Variants in ADPRHL1 observed in about 807,000 individuals in gnomAD.
ADPRHL1 encodes inactive ADP-ribosyltransferase ARH2.
A neutral mutation model predicts 44.1 loss-of-function variants in ADPRHL1; 43 were observed. The observed-to-expected ratio is 0.98, with a 90% CI of 0.76 to 1.26. ADPRHL1 has a LOEUF of 1.26. ADPRHL1 is among the 50% of genes most tolerant of loss of function. The pLI is 0.00. For missense variants in ADPRHL1, 2,022 were observed against 2,496.9 expected, an observed-to-expected ratio of 0.81 and a Z score of 4.05; for synonymous variants, 878 against 1,017.4, an observed-to-expected ratio of 0.86 and a Z score of 2.61.
intron 2 of ADPRHL1, among the ~76,000 whole-genome samples, chr13:113,439,465 CT>C (rs919789459): frequency 5.5e-5 from 7 of 128,170 alleles, no homozygotes; most frequent in Non-Finnish European, 1.1e-4. Flanking sequence ...TTTTTTTTTC[CT>C]GAGACGGCGT....
chr13:113,410,009 T>C, intron 7 of ADPRHL1: 1 of 985,454 alleles, frequency 1.0e-6, no homozygotes, highest in Non-Finnish European at 1.2e-6. Context: ...GAGCTCTGTT[T>C]TGAAGCCATG....
intron 7 of ADPRHL1, among the ~76,000 whole-genome samples, chr13:113,408,890 A>AAGG (rs2043829509): frequency 9.8e-6 from 1 of 102,456 alleles, no homozygotes; most frequent in East Asian, 2.3e-4. Flanking sequence ...TGCAGAGAGG[A>AAGG]GGGAAAGATG....
intron 1 of ADPRHL1, among the ~76,000 whole-genome samples, chr13:113,451,136 C>T (rs1164953440): frequency 6.6e-6 from 1 of 152,226 alleles, no homozygotes; most frequent in African/African-American, 2.4e-5. Flanking sequence ...GTCTTCTGGT[C>T]ACACCTCACT....
chr13:113,425,497 G>A lies in ADPRHL1; in HGVS notation c.647-318C>T, dbSNP rs190854090. 3.7e-3 allele frequency among the ~76,000 whole-genome samples: 567 copies of A among 152,060 alleles called. 2 individuals are homozygous for A. The highest frequency in any genetic ancestry group is 0.013 in the African/African-American group (521 of 41,468). ...CGGCTCACTGCAACCTCTGCCTCCCGAGTAGCTGGGATTACAGCTGCCCAC... is the reference window on the plus strand; with the variant it reads ...CGGCTCACTGCAACCTCTGCCTCCCAAGTAGCTGGGATTACAGCTGCCCAC... On this transcript the variant is annotated intron_variant, in intron 4 of 7. Transcript: ENST00000612156.
chr13:113,416,032 T>A (rs540588912), intron 7 of ADPRHL1, among the ~76,000 whole-genome samples: 11 of 150,914 alleles, frequency 7.3e-5, no homozygotes, highest in Admixed American at 5.3e-4. Context: ...TGGCCGAGAG[T>A]GGCCCCCAGG....
In ADPRHL1 at chr13:113,403,297, T is replaced by G; in HGVS notation, c.*81A>C. The G allele has an allele frequency of 1.7e-6, 2 of 1,155,464 alleles. No homozygotes were observed. The highest frequency in any genetic ancestry group is 2.2e-6 in the Non-Finnish European group (2 of 918,830). 71.6% of individuals were successfully genotyped at this position (1,155,464 alleles called of 1,614,324 possible). A position where few individuals can be genotyped will look rare whatever the true frequency, so the allele number is the denominator to read the frequency against. ...TCTGTAGGGGATGCTCCAAGACGCA[T>G]TTGGAGGCAGGAAAATGCCTGAAGT... On this transcript the variant is annotated 3_prime_UTR_variant, in exon 8 of 8. Transcript: ENST00000612156.
In ADPRHL1 at chr13:113,406,673, G is replaced by A; in HGVS notation, c.2609C>T (p.Pro870Leu). 8.1e-7 allele frequency: 1 copy of A among 1,230,884 alleles called. No individual in the cohort carries two copies. Among genetic ancestry groups the A allele is most frequent in the East Asian group, 3.2e-5 (1 of 31,690 alleles). The allele number at this position is 1,230,884 out of a possible 1,614,324, so 76.2% of individuals were successfully genotyped here. A position where few individuals can be genotyped will look rare whatever the true frequency, so the allele number is the denominator to read the frequency against. Residue 870 changes from proline (P) to leucine (L), a missense_variant, in exon 8 of 8, where the codon CCT becomes CTT. Physicochemically the swap from Pro to Leu is moderately conservative, Grantham distance 98 (BLOSUM62 -3). Coordinates refer to ENST00000612156, the MANE Select transcript of ADPRHL1 (RefSeq NM_001394807.1). ...LQNMSSGENKPCICGGENVVE... is the reference protein window; with the variant it reads ...LQNMSSGENKLCICGGENVVE... ...CACATTCTCTCCTCCACAAATACAA[G>A]GTTTGTTTTCACCACTTGACATATT...
At chr13:113,450,197 C>T (rs929871544) in intron 1 of ADPRHL1, among the ~76,000 whole-genome samples, 18 of 152,170 alleles carry the variant, frequency 1.2e-4, no homozygotes, top group African/African-American at 3.9e-4. Flanking sequence ...GGATTGCAGA[C>T]GTGAGCCACT....
rs199632423 is a variant in ADPRHL1, at chr13:113,407,093, G to A, written c.2189C>T (p.Ala730Val). The A allele has an allele frequency of 1.3e-4, 161 of 1,232,308 alleles. No individual in the cohort carries two copies. The East Asian group carries it at 5.0e-3, about 38-fold the overall frequency. The allele number at this position is 1,232,308 out of a possible 1,614,324, so 76.3% of individuals were successfully genotyped here. ...LVPASSPLGP[A>V]SPWGTGSAGG... is the part of the protein sequence containing the mutation. Reference sequence around the variant, plus strand: ...GGCTGATCCGGTGCCCCAAGGGCTGGCCGGTCCCAGTGGGGATGATGCAGG... The same window carrying A: ...GGCTGATCCGGTGCCCCAAGGGCTGACCGGTCCCAGTGGGGATGATGCAGG... Residue 730 changes from alanine to valine, a missense_variant, in exon 8 of 8, where the codon GCC becomes GTC. Ala to Val is a moderately conservative substitution (Grantham distance 64, BLOSUM62 0). Transcript: ENST00000612156.
Position 113,408,038 on chromosome 13 carries a change from T to A in ADPRHL1, c.1244A>T (p.His415Leu). ...GTEAGGSRPS[H>L]QPQTQEATQR... ...GGTGGCCTCCTGGGTCTGGGGCTGG[T>A]GGCTGGGCCTGCTCCCCCCGGCCTC... is the stretch of plus-strand genomic sequence containing the variant. Residue 415 changes from histidine to leucine, a missense_variant, in exon 8 of 8, where the codon CAC (histidine) becomes CTC (leucine). His to Leu is a moderately conservative substitution (Grantham distance 99). This residue lies in a region of ADPRHL1 where 1,221 missense variants were observed against 1,517.8 expected (regional missense o/e 0.80). Coordinates refer to ENST00000612156, the MANE Select transcript of ADPRHL1 (RefSeq NM_001394807.1). 8.1e-7 allele frequency: 1 copy of A among 1,232,630 alleles called. No individual in the cohort carries two copies. 76.4% of individuals were successfully genotyped at this position (1,232,630 alleles called of 1,614,324 possible). A position where few individuals can be genotyped will look rare whatever the true frequency, so the allele number is the denominator to read the frequency against.
Position 113,422,847 on chromosome 13 carries a change from T to C in ADPRHL1, c.1040A>G (p.Tyr347Cys). ...TTACTTCTCCTCTGTGGACAGGCGG[T>C]AGAGAGCCGCGCCCAGGTCCTCCAG... ...EKLEDLGAAL[Y>C]RLSTEENRKS... Residue 347 changes from tyrosine to cysteine, a missense_variant, in exon 7 of 8, where the codon TAC becomes TGC. By Grantham distance (194) the Tyr-to-Cys change is radical. Around this residue, in one of 8 missense-constraint regions of ADPRHL1, gnomAD observed 1,221 missense variants for 1,517.8 expected, o/e 0.80. Transcript: ENST00000612156. 6.2e-7 allele frequency: 1 copy of C among 1,612,786 alleles called. No homozygotes were observed. Among genetic ancestry groups the C allele is most frequent in the South Asian group, 1.1e-5 (1 of 91,086 alleles).
At chr13:113,452,091 G>A (rs557610561) in intron 1 of ADPRHL1, among the ~76,000 whole-genome samples, 5 of 152,290 alleles carry the variant, frequency 3.3e-5, no homozygotes, top group South Asian at 2.1e-4. Flanking sequence ...AGCCGTCTAC[G>A]GTGAAAACAA....
Position 113,422,808 on chromosome 13 carries a change from T to G in ADPRHL1, c.1061+18A>C. The G allele has an allele frequency of 6.2e-7, 1 of 1,612,590 alleles. No individual in the cohort carries two copies. The highest frequency in any genetic ancestry group is 8.5e-7 in the Non-Finnish European group (1 of 1,179,872). ...TGGAATCGGCTCTCTAGGGGGAAAG[T>G]GGCAGAAATGGCTTTACTTCTCCTC... On this transcript the variant is annotated intron_variant, in intron 7 of 7. Transcript: ENST00000612156.
intron 7 of ADPRHL1, chr13:113,421,876 G>A (rs1173578624): frequency 6.6e-6 from 1 of 152,252 alleles, no homozygotes; most frequent in Admixed American, 6.5e-5. Flanking sequence ...TCTGCCCAGA[G>A]GCGAGCCCTT....
chr13:113,415,426 G>A (rs9549777), intron 7 of ADPRHL1, among the ~76,000 whole-genome samples: 48,247 of 152,064 alleles, frequency 0.32, 7,983 homozygotes, highest in Middle Eastern at 0.46. Context: ...GCCGGCTCCA[G>A]GCGACCAGGC....
At chr13:113,435,573 T>C (rs71446973) in intron 2 of ADPRHL1, among the ~76,000 whole-genome samples, 6 of 3,430 alleles carry the variant, frequency 1.7e-3, no homozygotes, top group Admixed American at 4.2e-3. Flanking sequence ...CACCCAGGTG[T>C]AGAGTGAACA....
At position 113,407,477 on chromosome 13, in the gene ADPRHL1, C is replaced by T. The variant is rs1037068655; in HGVS notation, c.1805G>A (p.Cys602Tyr). The T allele has an allele frequency of 6.5e-5, 80 of 1,232,000 alleles. No individual in the cohort carries two copies. Among genetic ancestry groups the T allele is most frequent in the Non-Finnish European group, 7.7e-5 (76 of 988,052 alleles). The allele number at this position is 1,232,000 out of a possible 1,614,324, so 76.3% of individuals were successfully genotyped here. A position where few individuals can be genotyped will look rare whatever the true frequency, so the allele number is the denominator to read the frequency against. The change falls in exon 8 of 8, where the codon TGC becomes TAC. Residue 602 changes from cysteine to tyrosine, a missense_variant. Coordinates refer to ENST00000612156, the MANE Select transcript of ADPRHL1 (RefSeq NM_001394807.1). Reference sequence around the variant, plus strand: ...AAAGCGGGCAGGGGGCATCTTGACGCAGGTGCTGGCCATGGTGGCCGTGTG... The same window carrying T: ...AAAGCGGGCAGGGGGCATCTTGACGTAGGTGCTGGCCATGGTGGCCGTGTG... ...VLHTATMAST[C>Y]VKMPPARFLA... is the part of the protein sequence containing the mutation.
chr13:113,451,848 C>T (rs903295715), intron 1 of ADPRHL1, among the ~76,000 whole-genome samples: 2 of 152,162 alleles, frequency 1.3e-5, no homozygotes, highest in African/African-American at 4.8e-5. Flanking sequence ...GTCCGTAACC[C>T]TTTTAACTGT....
chr13:113,405,913 G>A lies in ADPRHL1; in HGVS notation c.3369C>T (p.Arg1123=), dbSNP rs1595535720. ...AMAAAGSVAS[R]ATPAPAPGST... The stretch of plus-strand genomic sequence containing the variant: ...TGCCTGGCGCTGGTGCAGGCGTGGC[G>A]CGGCTCGCAACGCTCCCTGCAGCTG... Residue 1123 remains arginine (R), a synonymous_variant, in exon 8 of 8, where the codon CGC becomes CGT. Transcript: ENST00000612156. 30 of 1,231,956 alleles carry A rather than the reference G, an allele frequency of 2.4e-5. No homozygotes were observed. Among genetic ancestry groups the A allele is most frequent in the Admixed American group, 1.3e-4 (3 of 23,710 alleles). The allele number at this position is 1,231,956 out of a possible 1,614,324, so 76.3% of individuals were successfully genotyped here.
Sources: gnomAD v4.1 joint callset for allele counts (sites outside exome capture counted in the v4.1 genomes callset) on GRCh38, gnomAD v4.1.1 for gene constraint, gnomAD v4.1.1 regional missense constraint, MANE v1.5 for transcripts, NCBI Gene and HGNC (gene_info 2026-07-23, HGNC 2026-07-21) for gene names.